The following SYT6 variants were observed in gnomAD, a reference collection of about 807,000 sequenced individuals.
The protein encoded by SYT6 is synaptotagmin 6.
A neutral mutation model predicts 38.4 loss-of-function variants in SYT6; 24 were observed. That is an observed-to-expected ratio of 0.62 (90% confidence interval 0.45 to 0.88). The LOEUF (loss-of-function observed/expected upper bound fraction) is 0.88, where lower values mean the gene tolerates loss of function less well. SYT6 is among the 40% of genes least tolerant of loss of function. SYT6 has a pLI of 0.00. For missense variants in SYT6, 611 were observed against 621.0 expected (o/e 0.98, Z 0.17); for synonymous variants, 265 against 241.9 (o/e 1.10, Z -0.89).
At chr1:114,111,652 T>C (rs1676684345) in intron 3 of SYT6, among the ~76,000 whole-genome samples, 1 of 112,108 alleles carries the variant, frequency 8.9e-6, no homozygotes, top group African/African-American at 3.1e-5. Context: ...CCTGGGGTTG[T>C]GCTCCCATTG....
chr1:114,111,692 T>C (rs1676687051), intron 3 of SYT6, among the ~76,000 whole-genome samples: 1 of 152,228 alleles, frequency 6.6e-6, no homozygotes, highest in South Asian at 2.1e-4. Context: ...AAGGGAGAAA[T>C]CTTACAACTG....
chr1:114,102,199 T>C (rs1676014250), intron 4 of SYT6, among the ~76,000 whole-genome samples: 1 of 152,224 alleles, frequency 6.6e-6, no homozygotes, highest in Non-Finnish European at 1.5e-5. Context: ...TGAATTTTCT[T>C]CCCTGTTATG....
chr1:114,120,218 C>G (rs1293396758), intron 3 of SYT6, among the ~76,000 whole-genome samples: 1 of 152,196 alleles, frequency 6.6e-6, no homozygotes, highest in Non-Finnish European at 1.5e-5. Flanking sequence ...AAAGACCACA[C>G]TATGATCTCT....
rs1384980180 is a variant in SYT6 at position 114,090,495 on chromosome 1, T to G, written c.*1639A>C. 6.6e-6 allele frequency: 1 copy of G among 152,394 alleles called. No individual in the cohort carries two copies. The highest frequency in any genetic ancestry group is 1.5e-5 in the Non-Finnish European group (1 of 68,046). The allele number at this position is 152,394 out of a possible 1,614,324, so 9.4% of individuals were successfully genotyped here. A position where few individuals can be genotyped will look rare whatever the true frequency, so the allele number is the denominator to read the frequency against. On this transcript the variant is annotated 3_prime_UTR_variant, in exon 8 of 8. Coordinates refer to ENST00000610222, the MANE Select transcript of SYT6 (RefSeq NM_001253772.2). ...ATGCAGCGTTCTATCAGCAGAGAAATCTGACAACTTGGTTTAAAATGAGGG... is the reference window on the plus strand; with the variant it reads ...ATGCAGCGTTCTATCAGCAGAGAAAGCTGACAACTTGGTTTAAAATGAGGG...
At chr1:114,134,256 G>C (rs781000831) in intron 3 of SYT6, among the ~76,000 whole-genome samples, 30 of 152,282 alleles carry the variant, frequency 2.0e-4, no homozygotes, top group Non-Finnish European at 2.9e-5. Flanking sequence ...TCCCCACCAA[G>C]CCTGGCTCTA....
At chr1:114,096,754 AT>A in intron 6 of SYT6, among the ~76,000 whole-genome samples, 1 of 152,166 alleles carries the variant, frequency 6.6e-6, no homozygotes, top group Non-Finnish European at 1.5e-5. Context: ...AGTGAAAGGG[AT>A]AAAGCTTTAT....
chr1:114,100,529 C>T (rs1472099858), intron 4 of SYT6, among the ~76,000 whole-genome samples: 1 of 152,228 alleles, frequency 6.6e-6, no homozygotes, highest in African/African-American at 2.4e-5. Flanking sequence ...TTGTAGACAC[C>T]TAAATGAGCT....
chr1:114,116,220 T>A (rs1344491850), intron 3 of SYT6, among the ~76,000 whole-genome samples: 2 of 152,178 alleles, frequency 1.3e-5, no homozygotes, highest in Non-Finnish European at 2.9e-5. Flanking sequence ...AGTCACCTGT[T>A]AAGTCATTCT....
At chr1:114,117,248 AT>A (rs1172438668) in intron 3 of SYT6, among the ~76,000 whole-genome samples, 1 of 152,168 alleles carries the variant, frequency 6.6e-6, no homozygotes, top group Non-Finnish European at 1.5e-5. Context: ...TTTCGCCCTG[AT>A]TTACAGGCAT....
intron 3 of SYT6, among the ~76,000 whole-genome samples, chr1:114,129,620 T>TCTTTCCTTC: frequency 1.6e-5 from 1 of 63,500 alleles, no homozygotes; most frequent in East Asian, 4.8e-4. Context: ...TTCTTTCCTT[T>TCTTTCCTTC]CTTTCTTTCT....
chr1:114,129,324 G>A (rs1003286884), intron 3 of SYT6, among the ~76,000 whole-genome samples: 2 of 152,034 alleles, frequency 1.3e-5, no homozygotes, highest in Admixed American at 6.5e-5. Flanking sequence ...CCTTTCCTCT[G>A]ACTGTGTACA....
chr1:114,112,417 G>T (rs1255581288), intron 3 of SYT6, among the ~76,000 whole-genome samples: 1 of 152,204 alleles, frequency 6.6e-6, no homozygotes, highest in Non-Finnish European at 1.5e-5. Context: ...CCTCCCCTTC[G>T]TGAACCTGCC....
intron 3 of SYT6, among the ~76,000 whole-genome samples, chr1:114,112,283 T>A (rs1676731601): frequency 6.6e-6 from 1 of 152,192 alleles, no homozygotes; most frequent in African/African-American, 2.4e-5. Flanking sequence ...GTGGGTGAGA[T>A]CCTTGAGTCT....
Position 114,139,968 on chromosome 1 carries a change from C to T in SYT6, c.164-5G>A, listed in dbSNP as rs2101096431. 6.7e-7 allele frequency: 1 copy of T among 1,487,218 alleles called. No individual in the cohort carries two copies. The highest frequency in any genetic ancestry group is 1.8e-4 in the Middle Eastern group (1 of 5,554). 92.1% of individuals were successfully genotyped at this position (1,487,218 alleles called of 1,614,324 possible). Reference sequence around the variant, plus strand: ...CGAGGAGGCTGACAGAGGTGCCTGCCCTCGGCATGAGCCAGGCAGGGAGGG... The same window carrying T: ...CGAGGAGGCTGACAGAGGTGCCTGCTCTCGGCATGAGCCAGGCAGGGAGGG... On this transcript the variant is annotated splice_region_variant and splice_polypyrimidine_tract_variant and intron_variant, in intron 1 of 7. Transcript: ENST00000610222.
rs527743644 is a variant in SYT6, at chr1:114,108,776, C to T, written c.1072-5055G>A. Among the ~76,000 whole-genome samples, 51 of 152,298 alleles carry T rather than the reference C, an allele frequency of 3.3e-4. 1 individual carries two copies. The highest frequency in any genetic ancestry group is 2.5e-3 in the Admixed American group (39 of 15,300). On this transcript the variant is annotated intron_variant, in intron 3 of 7. Coordinates refer to ENST00000610222, the MANE Select transcript of SYT6 (RefSeq NM_001253772.2). ...TTCCTCCTGAATAAGCAGCGAGTGG[C>T]GTCAGTGCCTGTGAGTCCATCTTGG...
intron 3 of SYT6, among the ~76,000 whole-genome samples, chr1:114,121,539 A>G (rs1677402313): frequency 6.6e-6 from 1 of 152,214 alleles, no homozygotes; most frequent in African/African-American, 2.4e-5. Flanking sequence ...TCTTGGGAGA[A>G]TGGGCTTATA....
chr1:114,118,836 G>C lies in SYT6; in HGVS notation c.1072-15115C>G, dbSNP rs1169310385. 3.3e-5 allele frequency among the ~76,000 whole-genome samples: 5 copies of C among 152,206 alleles called. No individual in the cohort carries two copies. The East Asian group carries it at 9.6e-4, about 29-fold the overall frequency. ...TCAGCTGAGGCAACGCTTCCTCAAGGGGGCAGGGTCCCAAACGGGAGTGGA... is the reference window on the plus strand; with the variant it reads ...TCAGCTGAGGCAACGCTTCCTCAAGCGGGCAGGGTCCCAAACGGGAGTGGA... On this transcript the variant is annotated intron_variant, in intron 3 of 7. Transcript: ENST00000610222.
intron 1 of SYT6, among the ~76,000 whole-genome samples, chr1:114,147,921 C>T (rs1679238391): frequency 6.6e-6 from 1 of 152,160 alleles, no homozygotes; most frequent in Admixed American, 6.5e-5. Context: ...ACTGTGTATA[C>T]AGAACAGACA....
chr1:114,127,370 C>T (rs1677808631), intron 3 of SYT6, among the ~76,000 whole-genome samples: 1 of 152,138 alleles, frequency 6.6e-6, no homozygotes, highest in Admixed American at 6.5e-5. Flanking sequence ...GAACCCACAC[C>T]TCTCCTCTTT....
Sources: gnomAD v4.1 joint callset for allele counts (sites outside exome capture counted in the v4.1 genomes callset) on GRCh38, gnomAD v4.1.1 for gene constraint, MANE v1.5 for transcripts, NCBI Gene and HGNC (gene_info 2026-07-23, HGNC 2026-07-21) for gene names.